The following B3GALT1 variants were observed in gnomAD, a reference collection of about 807,000 sequenced individuals.
B3GALT1 encodes beta-1,3-galactosyltransferase 1, also known as UDP-Gal:betaGlcNAc beta 1,3-galactosyltransferase, polypeptide 1.
In B3GALT1, 10 loss-of-function variants were observed where a neutral mutation model predicts 23.2. The observed-to-expected ratio is 0.43, with a 90% CI of 0.27 to 0.73. The LOEUF (loss-of-function observed/expected upper bound fraction) is 0.73. Among genes scored for constraint, B3GALT1 ranks in the 30% least tolerant of loss-of-function variants. The probability of loss-of-function intolerance (pLI) is 0.21; values close to 1 mark genes in which losing one functional copy is unlikely to be tolerated. For missense variants in B3GALT1, 299 were observed against 405.4 expected (o/e 0.74, Z 2.25); for synonymous variants, 156 against 141.5 (o/e 1.10, Z -0.73).
At chr2:167,747,419 G>T (rs946825655) in intron 3 of B3GALT1, among the ~76,000 whole-genome samples, 1 of 152,164 alleles carries the variant, frequency 6.6e-6, no homozygotes, top group Admixed American at 6.5e-5. Flanking sequence ...CATTCCAGCA[G>T]AATTAGGCTG....
At chr2:167,564,102 C>G (rs901906539) in intron 2 of B3GALT1, among the ~76,000 whole-genome samples, 1 of 151,554 alleles carries the variant, frequency 6.6e-6, no homozygotes, top group Non-Finnish European at 1.5e-5. Context: ...CCTCACCTCT[C>G]AGACGGGGCG....
chr2:167,829,545 T>C (rs1298969188), intron 4 of B3GALT1, among the ~76,000 whole-genome samples: 1 of 151,498 alleles, frequency 6.6e-6, no homozygotes, highest in African/African-American at 2.4e-5. Context: ...GTATGATAAA[T>C]AAAGTTGGAG....
chr2:167,717,804 C>A (rs1014272050), intron 3 of B3GALT1, among the ~76,000 whole-genome samples: 15 of 152,122 alleles, frequency 9.9e-5, no homozygotes, highest in Admixed American at 3.3e-4. Flanking sequence ...ATAATTAATT[C>A]TTTTTCCAGC....
intron 2 of B3GALT1, among the ~76,000 whole-genome samples, chr2:167,643,489 CA>C (rs1435791966): frequency 6.6e-6 from 1 of 152,012 alleles, no homozygotes; most frequent in Admixed American, 6.6e-5. Context: ...AATGTGAAAC[CA>C]AAGTAGTCTA....
intron 2 of B3GALT1, among the ~76,000 whole-genome samples, chr2:167,492,598 T>C (rs1395992309): frequency 2.6e-5 from 4 of 152,208 alleles, no homozygotes; most frequent in African/African-American, 9.6e-5. Flanking sequence ...CCACCAGCAC[T>C]GAAAGAACCT....
chr2:167,612,428 C>T (rs933874116), intron 2 of B3GALT1, among the ~76,000 whole-genome samples: 5 of 150,782 alleles, frequency 3.3e-5, no homozygotes, highest in African/African-American at 1.2e-4. Flanking sequence ...AACTTGTTCA[C>T]TGTACTTTTA....
At chr2:167,348,786 C>T (rs1016019343) in intron 1 of B3GALT1, among the ~76,000 whole-genome samples, 3 of 152,160 alleles carry the variant, frequency 2.0e-5, no homozygotes, top group African/African-American at 7.2e-5. Flanking sequence ...AGTGCTTGCC[C>T]TTCCTCTGAA....
intron 3 of B3GALT1, among the ~76,000 whole-genome samples, chr2:167,758,682 ATC>A (rs1308310407): frequency 6.6e-6 from 1 of 151,036 alleles, no homozygotes; most frequent in Admixed American, 6.6e-5. Flanking sequence ...TTCCCTATGA[ATC>A]TCTTGGCATC....
intron 1 of B3GALT1, among the ~76,000 whole-genome samples, chr2:167,436,299 G>A (rs903511810): frequency 6.6e-6 from 1 of 151,952 alleles, no homozygotes; most frequent in African/African-American, 2.4e-5. Context: ...TCTTCCCTCA[G>A]CCTGCCATGA....
chr2:167,512,588 A>T (rs1700031308), intron 2 of B3GALT1, among the ~76,000 whole-genome samples: 2 of 90,386 alleles, frequency 2.2e-5, no homozygotes, highest in African/African-American at 9.5e-5. Flanking sequence ...ATGTATATAT[A>T]TATGTGTATA....
chr2:167,822,459 T>C (rs187084241), intron 4 of B3GALT1, among the ~76,000 whole-genome samples: 1 of 152,294 alleles, frequency 6.6e-6, no homozygotes, highest in African/African-American at 2.4e-5. Flanking sequence ...AATTATTTCA[T>C]ATCTTCACAT....
chr2:167,734,936 C>T (rs908426158), intron 3 of B3GALT1, among the ~76,000 whole-genome samples: 1 of 152,108 alleles, frequency 6.6e-6, no homozygotes, highest in African/African-American at 2.4e-5. Context: ...CTGCCCCCTC[C>T]TCATTTTAAA....
At chr2:167,538,442 T>C (rs1361566030) in intron 2 of B3GALT1, among the ~76,000 whole-genome samples, 2 of 152,212 alleles carry the variant, frequency 1.3e-5, no homozygotes. Flanking sequence ...AATAGTAGGG[T>C]GGTTGAGGAT....
At chr2:167,410,611 A>G (rs1698376123) in intron 1 of B3GALT1, among the ~76,000 whole-genome samples, 1 of 151,986 alleles carries the variant, frequency 6.6e-6, no homozygotes, top group South Asian at 2.1e-4. Context: ...GAGGGAGAGC[A>G]TTAGGACAAA....
intron 3 of B3GALT1, among the ~76,000 whole-genome samples, chr2:167,806,101 A>G (rs573013408): frequency 1.6e-4 from 24 of 152,220 alleles, no homozygotes; most frequent in Middle Eastern, 3.4e-3. Flanking sequence ...TTGTGAATGA[A>G]AGTTCACTCA....
intron 3 of B3GALT1, among the ~76,000 whole-genome samples, chr2:167,682,968 G>A (rs1012932918): frequency 2.0e-5 from 3 of 152,196 alleles, no homozygotes; most frequent in South Asian, 2.1e-4. Context: ...CATACAGAGC[G>A]TTCAGCTTTG....
At chr2:167,816,719 C>G (rs539891740) in intron 3 of B3GALT1, among the ~76,000 whole-genome samples, 1 of 152,254 alleles carries the variant, frequency 6.6e-6, no homozygotes, top group South Asian at 2.1e-4. Flanking sequence ...AGAGTAAAAT[C>G]TTTCAGGTGC....
intron 2 of B3GALT1, among the ~76,000 whole-genome samples, chr2:167,568,980 A>G (rs1266837102): frequency 2.0e-5 from 3 of 151,998 alleles, no homozygotes; most frequent in Non-Finnish European, 4.4e-5. Context: ...TGAAAAGACC[A>G]TCATTGTTCC....
rs181208101 is a variant in B3GALT1, at chr2:167,792,183, C to T, written c.-351-26489C>T. Among the ~76,000 whole-genome samples the T allele has an allele frequency of 1.7e-3, 256 of 152,226 alleles. 1 individual carries two copies. The highest frequency in any genetic ancestry group is 5.5e-3 in the African/African-American group (230 of 41,550). ...ACTAAAGGTGAAGAAAGCAGAGATACTATATACATTTCTCACATTGAAACT... is the reference window on the plus strand; with the variant it reads ...ACTAAAGGTGAAGAAAGCAGAGATATTATATACATTTCTCACATTGAAACT... On this transcript the variant is annotated intron_variant, in intron 3 of 4. Transcript: ENST00000392690.
Sources: gnomAD v4.1 joint callset for allele counts (sites outside exome capture counted in the v4.1 genomes callset) on GRCh38, gnomAD v4.1.1 for gene constraint, MANE v1.5 for transcripts, NCBI Gene and HGNC (gene_info 2026-07-23, HGNC 2026-07-21) for gene names.